Variants in AZIN2 observed in about 807,000 individuals in gnomAD.
AZIN2 encodes the protein ODC antizyme inhibitor-2.
In AZIN2, 28 loss-of-function variants were observed where a neutral mutation model predicts 47.8. The observed-to-expected ratio is 0.59, with a 90% CI of 0.43 to 0.80. The LOEUF (loss-of-function observed/expected upper bound fraction) is 0.80. AZIN2 is among the 30% of genes least tolerant of loss of function. The probability of loss-of-function intolerance (pLI) is 0.00; values close to 1 mark genes in which losing one functional copy is unlikely to be tolerated. For synonymous variants in AZIN2, 221 were observed against 239.4 expected, an observed-to-expected ratio of 0.92 and a Z score of 0.71; for missense variants, 535 against 582.5, an observed-to-expected ratio of 0.92 and a Z score of 0.84.
the AZIN2 span, among the ~76,000 whole-genome samples, chr1:33,129,012 G>T: frequency 1.3e-5 from 2 of 152,136 alleles, no homozygotes; most frequent in Non-Finnish European, 2.9e-5. The surrounding 1 kb of genome is among the most constrained non-coding windows in gnomAD (Gnocchi z 4.1). Flanking sequence ...AGGTCTTGGT[G>T]AATGAGTAGG....
downstream of AZIN2, among the ~76,000 whole-genome samples, chr1:33,126,856 T>TG (rs1269017109): frequency 6.6e-6 from 1 of 152,222 alleles, no homozygotes; most frequent in Non-Finnish European, 1.5e-5. Context: ...TTGCAATATT[T>TG]GGGATAGTCT....
chr1:33,094,847 C>A, intron 8 of AZIN2, 134 bp downstream of exon 8: 1 of 944,364 alleles, frequency 1.1e-6, no homozygotes, highest in Non-Finnish European at 1.6e-6. Context: ...CCTGGGTGAT[C>A]TCACTGCTTA....
At chr1:33,152,492 G>A in the AZIN2 span, among the ~76,000 whole-genome samples, 1 of 152,036 alleles carries the variant, frequency 6.6e-6, no homozygotes, top group South Asian at 2.1e-4. Flanking sequence ...GCTTGAATCT[G>A]GGAGGCGGAG....
chr1:33,137,960 G>A, the AZIN2 span, among the ~76,000 whole-genome samples: 3 of 152,334 alleles, frequency 2.0e-5, no homozygotes, highest in African/African-American at 4.8e-5. Context: ...GAGGGTCCAG[G>A]GAGGTGGCAG....
rs1346765788 is a variant in AZIN2, at chr1:33,081,988, C to T, written c.-73+176C>T. On this transcript the variant is annotated intron_variant, in intron 3 of 11. Transcript: ENST00000294517. This position sits in a 1 kb window ranked among gnomAD's most constrained non-coding sequence, Gnocchi z 4.2. ...AGCAACTGACTCGGAGAGGCAGTGA[C>T]ATTTGGGCATACGGTGCCTTGTCTC... The T allele has an allele frequency of 2.0e-6, 1 of 496,648 alleles. No homozygotes were observed. 30.8% of individuals were successfully genotyped at this position (496,648 alleles called of 1,614,324 possible). A position where few individuals can be genotyped will look rare whatever the true frequency, so the allele number is the denominator to read the frequency against.
the AZIN2 span, chr1:33,146,964 A>G: frequency 3.3e-6 from 2 of 598,980 alleles, no homozygotes; most frequent in Admixed American, 3.0e-5. Context: ...CTGTATCCCT[A>G]TCAAGGTCAG....
chr1:33,106,109 G>A (rs1643995583), intron 10 of AZIN2, among the ~76,000 whole-genome samples: 1 of 152,088 alleles, frequency 6.6e-6, no homozygotes, highest in Non-Finnish European at 1.5e-5. Flanking sequence ...GAAATTCAAA[G>A]GATCATAAGA....
At chr1:33,098,272 A>T in intron 10 of AZIN2, 93 bp downstream of exon 10, 1 of 945,440 alleles carries the variant, frequency 1.1e-6, no homozygotes, top group South Asian at 1.7e-5. Context: ...AAAGTCAAAC[A>T]TATTTATTGT....
chr1:33,091,213 G>C (rs1642510907), intron 5 of AZIN2, among the ~76,000 whole-genome samples: 2 of 152,118 alleles, frequency 1.3e-5, no homozygotes, highest in African/African-American at 4.8e-5. Flanking sequence ...TGTATACCCA[G>C]TATTGGATTG....
the AZIN2 span, among the ~76,000 whole-genome samples, chr1:33,144,113 T>C: frequency 6.8e-6 from 1 of 147,530 alleles, no homozygotes; most frequent in Non-Finnish European, 1.5e-5. Flanking sequence ...CGTTGATATA[T>C]GATTCCGCTT....
At chr1:33,147,410 C>A in the AZIN2 span, 1 of 1,614,156 alleles carries the variant, frequency 6.2e-7, no homozygotes, top group South Asian at 1.1e-5. This position sits in a 1 kb window ranked among gnomAD's most constrained non-coding sequence, Gnocchi z 8.1. Context: ...TCCGTGCAGG[C>A]GCTGTACTGG....
chr1:33,136,631 A>G, the AZIN2 span, among the ~76,000 whole-genome samples: 1,270 of 151,612 alleles, frequency 8.4e-3, 18 homozygotes, highest in African/African-American at 0.029. Context: ...CAGCCTCCCA[A>G]AGTGCTGGGA....
the AZIN2 span, among the ~76,000 whole-genome samples, chr1:33,137,730 A>G: frequency 6.6e-6 from 1 of 152,204 alleles, no homozygotes. Context: ...CAAGTGGCTC[A>G]GCACCCTCCT....
At chr1:33,094,261 C>T (rs1453536574) in intron 7 of AZIN2, among the ~76,000 whole-genome samples, 6 of 152,224 alleles carry the variant, frequency 3.9e-5, no homozygotes, top group Non-Finnish European at 5.9e-5. Context: ...ACCCTGCTGA[C>T]TGGGAGGCAC....
At chr1:33,136,662 G>A in the AZIN2 span, among the ~76,000 whole-genome samples, 6 of 151,624 alleles carry the variant, frequency 4.0e-5, no homozygotes, top group Admixed American at 2.0e-4. Context: ...GAGCCACTGC[G>A]CCTGGCCCCA....
At chr1:33,130,493 A>C in the AZIN2 span, among the ~76,000 whole-genome samples, 2 of 152,152 alleles carry the variant, frequency 1.3e-5, no homozygotes, top group Admixed American at 6.5e-5. Flanking sequence ...ACAGATGACT[A>C]ATCAACGGCT....
At chr1:33,083,584 A>G (rs2124453497) in intron 4 of AZIN2, 2 of 337,580 alleles carry the variant, frequency 5.9e-6, no homozygotes, top group African/African-American at 2.1e-5. Context: ...TTAAAAGCAG[A>G]GTTGCCTTAT....
intron 10 of AZIN2, among the ~76,000 whole-genome samples, chr1:33,114,594 C>T (rs1452719073): frequency 3.3e-5 from 5 of 151,004 alleles, no homozygotes; most frequent in African/African-American, 7.3e-5. Flanking sequence ...ACCTCGTGAT[C>T]CACCCACCTC....
chr1:33,089,224 TAA>T, intron 5 of AZIN2, among the ~76,000 whole-genome samples: 1 of 152,170 alleles, frequency 6.6e-6, no homozygotes, highest in African/African-American at 2.4e-5. Context: ...TTAGTAAGGT[TAA>T]ATGAGAATGT....
Sources: gnomAD v4.1 joint callset for allele counts (sites outside exome capture counted in the v4.1 genomes callset) on GRCh38, gnomAD v4.1.1 for gene constraint, Gnocchi (gnomAD v3.1) non-coding constraint, MANE v1.5 for transcripts, NCBI Gene and HGNC (gene_info 2026-07-23, HGNC 2026-07-21) for gene names.